GPATCH2: variants seen among roughly 807,000 people sequenced by gnomAD.
The protein encoded by GPATCH2 is G patch domain-containing protein 2.
Under a neutral mutation model 58.0 loss-of-function variants are expected in GPATCH2, and 51 were observed. The ratio of observed to expected loss-of-function variants is 0.88; its 90% CI spans 0.70 to 1.11. GPATCH2 has a LOEUF of 1.11. Ranked by LOEUF, GPATCH2 falls within the 50% of genes most tolerant of loss-of-function variation. The pLI, the probability that GPATCH2 is intolerant of heterozygous loss-of-function variation, is 0.00. For synonymous variants in GPATCH2, 222 were observed against 218.5 expected, an observed-to-expected ratio of 1.02 and a Z score of -0.14; for missense variants, 625 against 652.2, an observed-to-expected ratio of 0.96 and a Z score of 0.45.
intron 8 of GPATCH2, among the ~76,000 whole-genome samples, chr1:217,490,572 C>A (rs1251578261): frequency 1.3e-5 from 2 of 152,120 alleles, no homozygotes; most frequent in Non-Finnish European, 2.9e-5. Context: ...ATACTATATT[C>A]TGGCTCATTC....
intron 5 of GPATCH2, among the ~76,000 whole-genome samples, chr1:217,578,600 T>A (rs1260165368): frequency 6.6e-6 from 1 of 152,174 alleles, no homozygotes; most frequent in Non-Finnish European, 1.5e-5. Context: ...CTGGTACCAT[T>A]TTCTGCCTTC....
chr1:217,492,363 C>T (rs886422662), intron 7 of GPATCH2: 4 of 152,090 alleles, frequency 2.6e-5, no homozygotes, highest in African/African-American at 4.8e-5. Flanking sequence ...CATCCACTTC[C>T]CTTTACACTT....
At chr1:217,518,057 A>G (rs147086602) in intron 5 of GPATCH2, among the ~76,000 whole-genome samples, 87 of 152,280 alleles carry the variant, frequency 5.7e-4, no homozygotes, top group African/African-American at 2.1e-3. Flanking sequence ...TTACTATATA[A>G]ATAACGACTA....
At chr1:217,605,623 A>G (rs984110956) in intron 5 of GPATCH2, among the ~76,000 whole-genome samples, 1 of 152,202 alleles carries the variant, frequency 6.6e-6, no homozygotes, top group Non-Finnish European at 1.5e-5. Flanking sequence ...AAAAGACTAC[A>G]CAATTTGAAT....
chr1:217,484,556 T>TTATA (rs60742327), intron 8 of GPATCH2, among the ~76,000 whole-genome samples: 38,902 of 142,900 alleles, frequency 0.27, 5,640 homozygotes, highest in Admixed American at 0.43. Context: ...ATATAATTAT[T>TTATA]TATATATATA....
chr1:217,504,634 A>G (rs960100167), intron 6 of GPATCH2, among the ~76,000 whole-genome samples: 1 of 152,194 alleles, frequency 6.6e-6, no homozygotes, highest in Non-Finnish European at 1.5e-5. Context: ...TTTATGAAAT[A>G]GTCCTGTCAC....
intron 5 of GPATCH2, among the ~76,000 whole-genome samples, chr1:217,581,587 G>A (rs753680153): frequency 2.6e-5 from 4 of 152,182 alleles, no homozygotes; most frequent in Non-Finnish European, 5.9e-5. Context: ...TTGTGAATAG[G>A]TGAATGTGCA....
chr1:217,604,875 A>G (rs1668282817), intron 5 of GPATCH2, among the ~76,000 whole-genome samples: 1 of 152,036 alleles, frequency 6.6e-6, no homozygotes. Flanking sequence ...AAAATACAAA[A>G]ATTAGCTGGC....
At chr1:217,446,340 T>C (rs1455341542) in intron 9 of GPATCH2, among the ~76,000 whole-genome samples, 5 of 152,152 alleles carry the variant, frequency 3.3e-5, no homozygotes, top group African/African-American at 1.2e-4. Context: ...ACTAACTCTT[T>C]ATTATGTGAC....
chr1:217,543,331 G>A (rs1030700789), intron 5 of GPATCH2, among the ~76,000 whole-genome samples: 34 of 148,546 alleles, frequency 2.3e-4, no homozygotes, highest in African/African-American at 7.2e-4. Context: ...GTGCAGTGGC[G>A]CAATCTCGGC....
chr1:217,592,478 T>A lies in GPATCH2; in HGVS notation c.1098+17843A>T, dbSNP rs550852329. Among the ~76,000 whole-genome samples the A allele has an allele frequency of 8.6e-5, 13 of 151,956 alleles. No individual in the cohort carries two copies. The South Asian group carries it at 2.7e-3, about 31-fold the overall frequency. The stretch of plus-strand genomic sequence containing the variant: ...ATACCAATATGACTTCACTATGGAA[T>A]CAGTGAAAGTACAAAATTAAAATAA... On this transcript the variant is annotated intron_variant, in intron 5 of 9. Transcript: ENST00000366935.
At chr1:217,510,848 T>C (rs2102572691) in intron 6 of GPATCH2, among the ~76,000 whole-genome samples, 1 of 152,126 alleles carries the variant, frequency 6.6e-6, no homozygotes, top group African/African-American at 2.4e-5. Context: ...ATCCCAGCAC[T>C]CTGGGAAGCT....
chr1:217,516,217 T>C (rs1222816442), intron 5 of GPATCH2, among the ~76,000 whole-genome samples: 2 of 63,064 alleles, frequency 3.2e-5, no homozygotes, highest in Middle Eastern at 6.0e-3. Flanking sequence ...TTAAGTTATG[T>C]TCCATTTTAA....
intron 5 of GPATCH2, among the ~76,000 whole-genome samples, chr1:217,520,811 T>A (rs1227610494): frequency 6.6e-6 from 1 of 152,174 alleles, no homozygotes; most frequent in Non-Finnish European, 1.5e-5. Flanking sequence ...AATAATATCC[T>A]TATTTTTATT....
At chr1:217,500,365 T>C (rs1257726560) in intron 6 of GPATCH2, among the ~76,000 whole-genome samples, 1 of 151,982 alleles carries the variant, frequency 6.6e-6, no homozygotes, top group Non-Finnish European at 1.5e-5. Context: ...TTTCTAGATC[T>C]GTCCTGGAAC....
chr1:217,429,924 T>G lies in GPATCH2; in HGVS notation c.*1221A>C, dbSNP rs992257056. 1.3e-5 allele frequency: 2 copies of G among 151,778 alleles called. No homozygotes were observed. The highest frequency in any genetic ancestry group is 4.8e-5 in the African/African-American group (2 of 41,302). The allele number at this position is 151,778 out of a possible 1,614,324, so 9.4% of individuals were successfully genotyped here. On this transcript the variant is annotated 3_prime_UTR_variant, in exon 10 of 10. Coordinates refer to ENST00000366935, the MANE Select transcript of GPATCH2 (RefSeq NM_018040.5). ...AGGTGATTCACATGTGTTATCTCAG[T>G]CTTTACTCAACCAGCAAAGGCCATT...
intron 5 of GPATCH2, among the ~76,000 whole-genome samples, chr1:217,587,162 AC>A (rs1286174542): frequency 6.6e-6 from 1 of 152,198 alleles, no homozygotes; most frequent in East Asian, 1.9e-4. Flanking sequence ...TTTCCTGACT[AC>A]AAACAGGTTC....
intron 8 of GPATCH2, among the ~76,000 whole-genome samples, chr1:217,482,825 C>A (rs1418077359): frequency 2.0e-5 from 3 of 152,136 alleles, no homozygotes; most frequent in Admixed American, 1.3e-4. Flanking sequence ...ACACGTGAAA[C>A]CATCACTATA....
In GPATCH2 at chr1:217,630,868, A is replaced by C. The variant is rs200843704; in HGVS notation, c.56+48T>G. On this transcript the variant is annotated intron_variant, in intron 1 of 9. Transcript: ENST00000366935. ...CAGGTCCAGCGGAGCGGCCTCGGGCAATCACACCCTTCCCTGACCTCCCCC... is the reference window on the plus strand; with the variant it reads ...CAGGTCCAGCGGAGCGGCCTCGGGCCATCACACCCTTCCCTGACCTCCCCC... The C allele has an allele frequency of 2.1e-6, 3 of 1,415,478 alleles. No individual in the cohort carries two copies. In the East Asian group the frequency reaches 7.2e-5, roughly 34 times the overall value. 87.7% of individuals were successfully genotyped at this position (1,415,478 alleles called of 1,614,324 possible).
Sources: allele counts gnomAD v4.1 joint callset (sites outside exome capture counted in the v4.1 genomes callset), GRCh38; gene constraint gnomAD v4.1.1; transcripts MANE v1.5; gene names NCBI Gene and HGNC (gene_info 2026-07-23, HGNC 2026-07-21).